ZNF385D: variants seen among roughly 807,000 people sequenced by gnomAD.
The protein encoded by ZNF385D is zinc finger protein 385D.
Under a neutral mutation model 35.8 loss-of-function variants are expected in ZNF385D, and 15 were observed. The observed-to-expected ratio is 0.42, with a 90% CI of 0.28 to 0.64. The LOEUF is 0.64. Among genes scored for constraint, ZNF385D ranks in the 30% least tolerant of loss-of-function variants. The pLI, the probability that ZNF385D is intolerant of heterozygous loss-of-function variation, is 0.23. For synonymous variants in ZNF385D, 212 were observed against 186.8 expected (o/e 1.13, Z -1.10); for missense variants, 474 against 494.6 (o/e 0.96, Z 0.39).
intron 3 of ZNF385D, among the ~76,000 whole-genome samples, chr3:21,946,186 G>C (rs1049735739): frequency 6.6e-6 from 1 of 152,120 alleles, no homozygotes; most frequent in Non-Finnish European, 1.5e-5. Context: ...TTCTTTTAAA[G>C]AGAAAGAGAA....
chr3:22,181,612 G>C (rs1319900869), intron 2 of ZNF385D, among the ~76,000 whole-genome samples: 1 of 151,512 alleles, frequency 6.6e-6, no homozygotes, highest in Non-Finnish European at 1.5e-5. Flanking sequence ...GCAGGAGAAT[G>C]GTGTGAACTC....
At chr3:21,790,610 A>C (rs2071888153) in intron 3 of ZNF385D, among the ~76,000 whole-genome samples, 1 of 152,126 alleles carries the variant, frequency 6.6e-6, no homozygotes, top group Non-Finnish European at 1.5e-5. Flanking sequence ...CTTTTTTGGA[A>C]GGGGAGGGTG....
chr3:21,896,569 G>A (rs1442439286), intron 3 of ZNF385D, among the ~76,000 whole-genome samples: 5 of 152,086 alleles, frequency 3.3e-5, no homozygotes, highest in South Asian at 4.2e-4. Context: ...AGGGCAGCAC[G>A]TCCCTCGAAC....
At chr3:22,024,362 T>C (rs1327135676) in intron 3 of ZNF385D, among the ~76,000 whole-genome samples, 1 of 152,102 alleles carries the variant, frequency 6.6e-6, no homozygotes. Flanking sequence ...CTATTCGTTC[T>C]GTCCCTCTGA....
intron 3 of ZNF385D, among the ~76,000 whole-genome samples, chr3:22,040,107 T>G (rs1178274741): frequency 6.6e-6 from 1 of 152,168 alleles, no homozygotes; most frequent in South Asian, 2.1e-4. Context: ...CTTGAGTTTC[T>G]GCAACTGCTC....
At chr3:21,717,308 G>A in intron 1 of ZNF385D, among the ~76,000 whole-genome samples, 1 of 152,138 alleles carries the variant, frequency 6.6e-6, no homozygotes, top group Non-Finnish European at 1.5e-5. Context: ...CATTCAAAGA[G>A]GAGCAGAAAA....
intron 3 of ZNF385D, among the ~76,000 whole-genome samples, chr3:22,030,290 T>TAAC (rs1559316645): frequency 9.7e-6 from 1 of 102,802 alleles, no homozygotes; most frequent in African/African-American, 4.0e-5. Flanking sequence ...TATATATATA[T>TAAC]ATATATATAT....
chr3:21,846,633 G>C (rs1349047907), intron 3 of ZNF385D, among the ~76,000 whole-genome samples: 2 of 152,000 alleles, frequency 1.3e-5, no homozygotes, highest in East Asian at 1.9e-4. Flanking sequence ...TACTGCGGTG[G>C]AGGGGCGATC....
At chr3:21,495,193 C>T (rs1359435627) in intron 4 of ZNF385D, among the ~76,000 whole-genome samples, 3 of 151,224 alleles carry the variant, frequency 2.0e-5, no homozygotes, top group South Asian at 2.1e-4. Context: ...ATCAGTCAGA[C>T]TCAAATCCCT....
chr3:22,008,685 T>A (rs2125431209), intron 3 of ZNF385D, among the ~76,000 whole-genome samples: 1 of 152,150 alleles, frequency 6.6e-6, no homozygotes, highest in South Asian at 2.1e-4. Flanking sequence ...CACAATGCAA[T>A]CAAGTTGGGA....
intron 3 of ZNF385D, among the ~76,000 whole-genome samples, chr3:21,797,715 A>G (rs930770880): frequency 2.0e-5 from 3 of 152,228 alleles, no homozygotes; most frequent in African/African-American, 7.2e-5. Context: ...AAGAAACCCT[A>G]AATCCATATT....
intron 3 of ZNF385D, among the ~76,000 whole-genome samples, chr3:21,919,185 C>CATT (rs1258995974): frequency 2.4e-4 from 37 of 152,082 alleles, no homozygotes; most frequent in Non-Finnish European, 2.8e-4. Context: ...CTTCATTCAT[C>CATT]CATTCATTCA....
intron 1 of ZNF385D, among the ~76,000 whole-genome samples, chr3:21,746,740 A>T (rs1304928379): frequency 6.6e-6 from 1 of 152,216 alleles, no homozygotes; most frequent in Non-Finnish European, 1.5e-5. Flanking sequence ...ATCACTCAGT[A>T]CAAACTAATT....
intron 3 of ZNF385D, among the ~76,000 whole-genome samples, chr3:22,029,800 T>A (rs1358668178): frequency 6.6e-6 from 1 of 152,178 alleles, no homozygotes; most frequent in African/African-American, 2.4e-5. Context: ...ATTATGACAT[T>A]GTCTTTATTT....
intron 3 of ZNF385D, among the ~76,000 whole-genome samples, chr3:21,927,426 C>T (rs992529626): frequency 6.6e-6 from 1 of 152,108 alleles, no homozygotes; most frequent in Non-Finnish European, 1.5e-5. Context: ...CAGTTCTTGG[C>T]AGCTTTATTT....
At chr3:22,124,331 G>C (rs1044010470) in intron 3 of ZNF385D, among the ~76,000 whole-genome samples, 2 of 152,188 alleles carry the variant, frequency 1.3e-5, no homozygotes, top group Non-Finnish European at 2.9e-5. Context: ...TTCATCTGTT[G>C]ATGGACACTT....
chr3:21,713,708 T>G (rs1023196940), intron 1 of ZNF385D, among the ~76,000 whole-genome samples: 1 of 152,210 alleles, frequency 6.6e-6, no homozygotes, highest in African/African-American at 2.4e-5. Context: ...CTGGAGTATC[T>G]GATCCTTAGC....
chr3:21,884,083 G>T (rs1257174896), intron 3 of ZNF385D, among the ~76,000 whole-genome samples: 1 of 151,946 alleles, frequency 6.6e-6, no homozygotes, highest in Non-Finnish European at 1.5e-5. Flanking sequence ...CAAAGAAAAG[G>T]GAGACATAGG....
chr3:21,602,565 G>A (rs967824946), intron 2 of ZNF385D, among the ~76,000 whole-genome samples: 5 of 103,930 alleles, frequency 4.8e-5, no homozygotes, highest in South Asian at 3.4e-4. Context: ...TTGCTCTGTC[G>A]CCCAGGCCGG....
Sources: allele counts gnomAD v4.1 joint callset (sites outside exome capture counted in the v4.1 genomes callset), GRCh38; gene constraint gnomAD v4.1.1; transcripts MANE v1.5; gene names NCBI Gene and HGNC (gene_info 2026-07-23, HGNC 2026-07-21).